Variants in ACTR3C observed in about 807,000 individuals in gnomAD.
The protein encoded by ACTR3C is actin-related protein 3C.
In ACTR3C, 18 loss-of-function variants were observed where a neutral mutation model predicts 26.3. The observed-to-expected ratio is 0.68, with a 90% confidence interval of 0.47 to 1.01. The LOEUF (loss-of-function observed/expected upper bound fraction) is 1.01. Ranked by LOEUF, ACTR3C falls within the 50% of genes least tolerant of loss-of-function variation. ACTR3C has a pLI of 0.00. For missense variants in ACTR3C, 184 were observed against 250.7 expected (o/e 0.73, Z 1.80); for synonymous variants, 55 against 94.5 (o/e 0.58, Z 2.42).
the ACTR3C span, among the ~76,000 whole-genome samples, chr7:149,996,235 G>A: frequency 6.6e-6 from 1 of 152,018 alleles, no homozygotes; most frequent in Non-Finnish European, 1.5e-5. Context: ...GAGTAAAGGA[G>A]GGGAGGGAGG....
the ACTR3C span, among the ~76,000 whole-genome samples, chr7:150,226,640 G>T: frequency 1.3e-5 from 2 of 152,136 alleles, no homozygotes; most frequent in Non-Finnish European, 2.9e-5. Flanking sequence ...ATTTCACCAT[G>T]TTGGCCAGGC....
chr7:149,962,408 G>C, the ACTR3C span, among the ~76,000 whole-genome samples: 1 of 152,208 alleles, frequency 6.6e-6, no homozygotes, highest in Non-Finnish European at 1.5e-5. Context: ...GATCTGCACA[G>C]ATTTGACCTT....
At chr7:150,083,434 G>A in the ACTR3C span, among the ~76,000 whole-genome samples, 5 of 152,002 alleles carry the variant, frequency 3.3e-5, no homozygotes, top group African/African-American at 1.2e-4. Flanking sequence ...GGGCTTTGTG[G>A]GCACATGCTG....
At chr7:150,007,448 G>A in the ACTR3C span, among the ~76,000 whole-genome samples, 26 of 152,278 alleles carry the variant, frequency 1.7e-4, no homozygotes, top group African/African-American at 4.8e-4. Flanking sequence ...CAAGAACGGC[G>A]ATTCTCACCT....
chr7:150,192,595 C>T, the ACTR3C span, among the ~76,000 whole-genome samples: 1 of 152,198 alleles, frequency 6.6e-6, no homozygotes, highest in Non-Finnish European at 1.5e-5. Context: ...AGCCATCATA[C>T]CTGGCCCCTA....
chr7:150,222,913 T>C, the ACTR3C span, among the ~76,000 whole-genome samples: 4,100 of 152,282 alleles, frequency 0.027, 116 homozygotes, highest in African/African-American at 0.094. Context: ...CATTGTGAAT[T>C]TGGGGTTTCA....
At chr7:150,140,622 A>G in the ACTR3C span, among the ~76,000 whole-genome samples, 1 of 152,212 alleles carries the variant, frequency 6.6e-6, no homozygotes, top group African/African-American at 2.4e-5. Flanking sequence ...GTTTGATCAC[A>G]CACCTCATTT....
At chr7:149,914,466 G>T in the ACTR3C span, among the ~76,000 whole-genome samples, 1 of 151,850 alleles carries the variant, frequency 6.6e-6, no homozygotes, top group African/African-American at 2.4e-5. Context: ...GGTGGCACGT[G>T]CCTGCAGTCC....
At chr7:150,272,297 G>A (rs557544279) in intron 6 of ACTR3C, among the ~76,000 whole-genome samples, 1 of 139,550 alleles carries the variant, frequency 7.2e-6, no homozygotes, top group East Asian at 2.1e-4. Flanking sequence ...GGGATCAGGA[G>A]AGAAGAGACT....
downstream of ACTR3C, chr7:150,246,577 T>C (rs955908970): frequency 3.9e-5 from 6 of 152,220 alleles, no homozygotes; most frequent in East Asian, 3.8e-4. Context: ...GAATATAATA[T>C]TTTTAAAGGA....
chr7:150,081,452 T>C, the ACTR3C span, among the ~76,000 whole-genome samples: 5 of 151,512 alleles, frequency 3.3e-5, no homozygotes, highest in East Asian at 9.6e-4. Context: ...AAAATTAAAT[T>C]TAAAGAAGAT....
the ACTR3C span, among the ~76,000 whole-genome samples, chr7:150,209,722 TACACAC>T: frequency 8.7e-4 from 113 of 129,302 alleles, no homozygotes; most frequent in African/African-American, 2.4e-3. Flanking sequence ...CTACTAAAAA[TACACAC>T]ACACACACAC....
intron 1 of ACTR3C, among the ~76,000 whole-genome samples, chr7:150,313,860 TGGAAAGC>T (rs1220979754): frequency 3.9e-5 from 6 of 152,192 alleles, no homozygotes; most frequent in African/African-American, 1.2e-4. Context: ...GCCTGGAGCC[TGGAAAGC>T]TAAAAACAAC....
At chr7:150,186,375 C>T in the ACTR3C span, among the ~76,000 whole-genome samples, 1 of 152,074 alleles carries the variant, frequency 6.6e-6, no homozygotes, top group Non-Finnish European at 1.5e-5. Flanking sequence ...GATTTTTCTC[C>T]AAACAGAAAG....
the ACTR3C span, among the ~76,000 whole-genome samples, chr7:149,977,359 C>G: frequency 6.6e-6 from 1 of 152,234 alleles, no homozygotes; most frequent in Non-Finnish European, 1.5e-5. Flanking sequence ...ACAAGGTACA[C>G]AGACGTTGTA....
At chr7:150,277,725 C>T (rs1834994649) in intron 6 of ACTR3C, among the ~76,000 whole-genome samples, 1 of 152,112 alleles carries the variant, frequency 6.6e-6, no homozygotes, top group Non-Finnish European at 1.5e-5. Context: ...CTCACCTATG[C>T]TCTGGAGCCT....
chr7:150,012,454 A>G, the ACTR3C span, among the ~76,000 whole-genome samples: 1 of 151,666 alleles, frequency 6.6e-6, no homozygotes, highest in Non-Finnish European at 1.5e-5. Flanking sequence ...AGCTGGGACT[A>G]CAGGCGCCCA....
At chr7:150,214,762 T>C in the ACTR3C span, among the ~76,000 whole-genome samples, 2 of 151,442 alleles carry the variant, frequency 1.3e-5, no homozygotes, top group African/African-American at 2.4e-5. Context: ...TATTGAAATA[T>C]TGAAAACCAA....
chr7:150,209,717 AAAAAT>A, the ACTR3C span, among the ~76,000 whole-genome samples: 1 of 114,392 alleles, frequency 8.7e-6, no homozygotes, highest in African/African-American at 3.7e-5. Flanking sequence ...CACCTCTACT[AAAAAT>A]ACACACACAC....
Sources: gnomAD v4.1 joint callset for allele counts (sites outside exome capture counted in the v4.1 genomes callset) on GRCh38, gnomAD v4.1.1 for gene constraint, MANE v1.5 for transcripts, NCBI Gene and HGNC (gene_info 2026-07-23, HGNC 2026-07-21) for gene names.